Variants in UNC5D observed in about 807,000 individuals in gnomAD.
UNC5D encodes the protein netrin receptor UNC5D.
A neutral mutation model predicts 105.4 loss-of-function variants in UNC5D; 39 were observed. That is an observed-to-expected ratio of 0.37 (90% CI 0.29 to 0.48). The LOEUF (loss-of-function observed/expected upper bound fraction) is 0.48. UNC5D is among the 20% of genes least tolerant of loss of function. UNC5D has a pLI of 0.98. For synonymous variants in UNC5D, 452 were observed against 450.4 expected, an observed-to-expected ratio of 1.00 and a Z score of -0.04; for missense variants, 991 against 1,202.4, an observed-to-expected ratio of 0.82 and a Z score of 2.60.
In UNC5D at chr8:35,241,942, T is replaced by C. The variant is rs188870029; in HGVS notation, c.103+6055T>C. Among the ~76,000 whole-genome samples, 635 of 152,326 alleles carry C rather than the reference T, an allele frequency of 4.2e-3. 9 individuals carry two copies. Among genetic ancestry groups the C allele is most frequent in the African/African-American group, 0.014 (601 of 41,568 alleles). ...CACTGGGTCTTATTCTATTAAGTGG[T>C]ATATTTGTACCCATTTATCAACTTC... On this transcript the variant is annotated intron_variant, in intron 1 of 16. Coordinates refer to ENST00000404895, the MANE Select transcript of UNC5D (RefSeq NM_080872.4).
At chr8:35,425,867 T>C (rs752397960) in intron 1 of UNC5D, among the ~76,000 whole-genome samples, 6 of 152,088 alleles carry the variant, frequency 3.9e-5, no homozygotes, top group Non-Finnish European at 7.3e-5. Flanking sequence ...TTGATACATA[T>C]AATATATAGT....
chr8:35,789,713 C>T (rs1239933442), intron 16 of UNC5D, among the ~76,000 whole-genome samples: 1 of 151,976 alleles, frequency 6.6e-6, no homozygotes, highest in Admixed American at 6.6e-5. Flanking sequence ...TTGATAACTA[C>T]TCCATTTAGC....
rs1822477059 is a variant in UNC5D at position 35,637,824 on chromosome 8, A to C, written c.570+42167A>C. Among the ~76,000 whole-genome samples the C allele has an allele frequency of 2.0e-5, 3 of 152,288 alleles. No individual in the cohort carries two copies. The South Asian group carries it at 6.2e-4, about 32-fold the overall frequency. On this transcript the variant is annotated intron_variant, in intron 4 of 16. Coordinates refer to ENST00000404895, the MANE Select transcript of UNC5D (RefSeq NM_080872.4). ...GCATGATAATGAGGATGCTTTCAAG[A>C]GACACTCAGTCTCTGATATTATTCA...
chr8:35,645,300 G>T (rs762482373), intron 4 of UNC5D, among the ~76,000 whole-genome samples: 3 of 152,122 alleles, frequency 2.0e-5, no homozygotes, highest in Admixed American at 6.6e-5. Context: ...CTGTTTTGCA[G>T]GAAGCTGAAG....
At chr8:35,361,332 C>A (rs1232137892) in intron 1 of UNC5D, among the ~76,000 whole-genome samples, 2 of 152,080 alleles carry the variant, frequency 1.3e-5, no homozygotes, top group Non-Finnish European at 2.9e-5. Context: ...TCTAAGAAGA[C>A]CTAACTATGG....
chr8:35,577,555 A>C (rs1818175151), intron 3 of UNC5D, among the ~76,000 whole-genome samples: 1 of 152,216 alleles, frequency 6.6e-6, no homozygotes. Context: ...ATGAATCTAC[A>C]CTGATGTTTT....
intron 1 of UNC5D, among the ~76,000 whole-genome samples, chr8:35,328,724 G>C (rs1810370020): frequency 1.3e-5 from 2 of 152,122 alleles, no homozygotes. Flanking sequence ...AGTTAGATTG[G>C]CCCAAGGTGT....
chr8:35,504,234 C>T (rs936755274), intron 1 of UNC5D, among the ~76,000 whole-genome samples: 6 of 152,158 alleles, frequency 3.9e-5, no homozygotes, highest in African/African-American at 1.4e-4. Flanking sequence ...CCTGGATCAG[C>T]CCTGACCTGC....
chr8:35,753,621 C>T (rs1830387412), intron 13 of UNC5D, among the ~76,000 whole-genome samples: 1 of 152,100 alleles, frequency 6.6e-6, no homozygotes, highest in African/African-American at 2.4e-5. Flanking sequence ...GGTAGAAATA[C>T]CTTTGACCCC....
chr8:35,599,022 A>G (rs777946006), intron 4 of UNC5D, among the ~76,000 whole-genome samples: 3 of 151,820 alleles, frequency 2.0e-5, no homozygotes, highest in Non-Finnish European at 2.9e-5. Context: ...GCACATCTGT[A>G]GTCCCAGCTA....
chr8:35,548,781 T>A (rs997349168), intron 1 of UNC5D, among the ~76,000 whole-genome samples: 1 of 152,146 alleles, frequency 6.6e-6, no homozygotes, highest in African/African-American at 2.4e-5. Flanking sequence ...TGCCAGACAA[T>A]CTCCACCATT....
At chr8:35,677,262 A>G (rs894849948) in intron 4 of UNC5D, among the ~76,000 whole-genome samples, 2 of 152,168 alleles carry the variant, frequency 1.3e-5, no homozygotes, top group Admixed American at 1.3e-4. Context: ...AAAAATACCC[A>G]TGCCTCTGTC....
intron 1 of UNC5D, among the ~76,000 whole-genome samples, chr8:35,510,121 A>G (rs150680830): frequency 1.2e-4 from 19 of 152,020 alleles, no homozygotes; most frequent in African/African-American, 3.4e-4. Flanking sequence ...GGCATTTTTC[A>G]TTACATCCTT....
intron 3 of UNC5D, among the ~76,000 whole-genome samples, chr8:35,571,956 G>A (rs1379460468): frequency 6.6e-6 from 1 of 151,974 alleles, no homozygotes; most frequent in Non-Finnish European, 1.5e-5. Flanking sequence ...TATGTTTCCT[G>A]CGTTTAAACA....
chr8:35,641,682 C>T (rs1236536126), intron 4 of UNC5D, among the ~76,000 whole-genome samples: 1 of 151,996 alleles, frequency 6.6e-6, no homozygotes, highest in African/African-American at 2.4e-5. Flanking sequence ...ATAAACTGAG[C>T]CTCAAATTCT....
intron 1 of UNC5D, among the ~76,000 whole-genome samples, chr8:35,436,097 T>C (rs945165574): frequency 6.6e-6 from 1 of 152,074 alleles, no homozygotes; most frequent in African/African-American, 2.4e-5. Flanking sequence ...GTGACTTCAA[T>C]TTCAAATTTG....
At chr8:35,262,844 G>C (rs893824713) in intron 1 of UNC5D, among the ~76,000 whole-genome samples, 1 of 152,170 alleles carries the variant, frequency 6.6e-6, no homozygotes, top group Non-Finnish European at 1.5e-5. Flanking sequence ...CTAAATACTA[G>C]AGCAAGATTT....
chr8:35,530,047 T>G (rs1236516562), intron 1 of UNC5D, among the ~76,000 whole-genome samples: 2 of 150,662 alleles, frequency 1.3e-5, no homozygotes, highest in Non-Finnish European at 3.0e-5. Flanking sequence ...TTCCTTCTCC[T>G]GCCTGATTGC....
In UNC5D at chr8:35,533,307, T is replaced by G. The variant is rs556795204; in HGVS notation, c.104-15985T>G. ...GCAGGTCTGTTGGAATACCCTGCCG[T>G]GTGAGGGGTCAGTGTGCCCCTGCTG... On this transcript the variant is annotated intron_variant, in intron 1 of 16. Transcript: ENST00000404895. 5.4e-3 allele frequency among the ~76,000 whole-genome samples: 817 copies of G among 152,172 alleles called. 9 individuals carry two copies. Among genetic ancestry groups the G allele is most frequent in the African/African-American group, 0.018 (763 of 41,518 alleles).
Sources: gnomAD v4.1 joint callset for allele counts (sites outside exome capture counted in the v4.1 genomes callset) on GRCh38, gnomAD v4.1.1 for gene constraint, MANE v1.5 for transcripts, NCBI Gene and HGNC (gene_info 2026-07-23, HGNC 2026-07-21) for gene names.